Variants in MINK1 observed in about 807,000 individuals in gnomAD.
The protein encoded by MINK1 is misshapen like kinase 1.
MINK1 carries 46 observed loss-of-function variants against 178.4 expected under a neutral mutation model. The observed-to-expected ratio is 0.26, with a 90% CI of 0.20 to 0.33. The LOEUF (loss-of-function observed/expected upper bound fraction) is 0.33, where lower values mean the gene tolerates loss of function less well. MINK1 is among the 10% of genes least tolerant of loss of function. The pLI, the probability that MINK1 is intolerant of heterozygous loss-of-function variation, is 1.00. For synonymous variants in MINK1, 797 were observed against 709.7 expected (o/e 1.12, Z -1.96); for missense variants, 1,366 against 1,814.9 (o/e 0.75, Z 4.49).
intron 1 of MINK1, among the ~76,000 whole-genome samples, chr17:4,874,766 C>T (rs943884294): frequency 6.6e-6 from 1 of 152,230 alleles, no homozygotes; most frequent in Admixed American, 6.5e-5. Context: ...TTCTCTGAAT[C>T]ACCCTTTCCA....
In MINK1 at chr17:4,894,806, C is replaced by T; in HGVS notation, c.2917+173C>T. 3 of 640,794 alleles carry T rather than the reference C, an allele frequency of 4.7e-6. No homozygotes were observed. The highest frequency in any genetic ancestry group is 3.7e-5 in the African/African-American group (2 of 54,786). 39.7% of individuals were successfully genotyped at this position (640,794 alleles called of 1,614,324 possible). A position where few individuals can be genotyped will look rare whatever the true frequency, so the allele number is the denominator to read the frequency against. On this transcript the variant is annotated intron_variant, in intron 24 of 31. Coordinates refer to ENST00000355280, the MANE Select transcript of MINK1 (RefSeq NM_153827.5). This position sits in a 1 kb window ranked among gnomAD's most constrained non-coding sequence, Gnocchi z 4.1. The stretch of plus-strand genomic sequence containing the variant: ...GAAGAGCCTCTGAGACCCCTCCTTC[C>T]TGTCCCACAGGACAGGAAATGCTCA...
chr17:4,838,707 C>A (rs572263046), intron 1 of MINK1, among the ~76,000 whole-genome samples: 2 of 152,090 alleles, frequency 1.3e-5, no homozygotes. Flanking sequence ...CTCCAGAAGC[C>A]GGTGAGAGTC....
At chr17:4,892,889 A>G (rs1969004149) in intron 19 of MINK1, 90 bp from the exon 20 acceptor site, 2 of 1,404,246 alleles carry the variant, frequency 1.4e-6, no homozygotes, top group Non-Finnish European at 2.0e-6. Flanking sequence ...GTGGGTATGG[A>G]ACTTGGGGCT....
intron 1 of MINK1, chr17:4,875,531 G>A: frequency 2.2e-6 from 1 of 452,318 alleles, no homozygotes; most frequent in South Asian, 1.6e-5. Context: ...CCAACACCTT[G>A]GGAGGCTGAG....
chr17:4,864,581 C>T (rs1260670663), intron 1 of MINK1, among the ~76,000 whole-genome samples: 11 of 151,446 alleles, frequency 7.3e-5, no homozygotes, highest in East Asian at 1.9e-4. Context: ...AAAAATTAGC[C>T]GGGCATGGTG....
chr17:4,885,828 G>A lies in MINK1; in HGVS notation c.640-83G>A. ...ATGGGTGTGGCCCAGGAAGGCTCCT[G>A]AGAGGCCAGGATGGTGGGTGAAGAG... is the stretch of plus-strand genomic sequence containing the variant. On this transcript the variant is annotated intron_variant, in intron 7 of 31. Transcript: ENST00000355280. This position sits in a 1 kb window ranked among gnomAD's most constrained non-coding sequence, Gnocchi z 5.0. 6.5e-7 allele frequency: 1 copy of A among 1,531,894 alleles called. No homozygotes were observed. Among genetic ancestry groups the A allele is most frequent in the Non-Finnish European group, 9.0e-7 (1 of 1,116,152 alleles). The allele number at this position is 1,531,894 out of a possible 1,614,324, so 94.9% of individuals were successfully genotyped here.
chr17:4,843,969 A>G (rs139914453), intron 1 of MINK1, among the ~76,000 whole-genome samples: 90 of 152,204 alleles, frequency 5.9e-4, no homozygotes, highest in African/African-American at 2.1e-3. Context: ...TCTAGACTAC[A>G]TGCAACTGGT....
intron 1 of MINK1, chr17:4,875,489 G>A (rs1454203356): frequency 2.2e-6 from 1 of 453,734 alleles, no homozygotes; most frequent in Non-Finnish European, 4.4e-6. Context: ...AAACAAAAAT[G>A]AGGCCGTGCG....
intron 1 of MINK1, chr17:4,857,057 G>T: frequency 5.3e-6 from 1 of 188,210 alleles, no homozygotes; most frequent in South Asian, 1.1e-4. Context: ...CCCCCACGAT[G>T]ACGATGGCAA....
Position 4,890,561 on chromosome 17 carries a change from T to C in MINK1, c.1392T>C (p.Arg464=), listed in dbSNP as rs1206765712. 17 of 1,586,666 alleles carry C rather than the reference T, an allele frequency of 1.1e-5. No individual in the cohort carries two copies. The highest frequency in any genetic ancestry group is 1.5e-5 in the Non-Finnish European group (17 of 1,167,314). ...TGGAGGAGCAGCGGCAGTCAGAACG[T>C]CTCCAGAGGCAGCTGCAGCAGGAGC... The part of the protein sequence containing the change: ...KQLEEQRQSE[R]LQRQLQQEHA... The change falls in exon 14 of 32, where the codon CGT becomes CGC. Residue 464 remains arginine (R), a synonymous_variant. Coordinates refer to ENST00000355280, the MANE Select transcript of MINK1 (RefSeq NM_153827.5).
intron 1 of MINK1, among the ~76,000 whole-genome samples, chr17:4,866,139 T>C (rs1304387551): frequency 6.6e-6 from 1 of 152,164 alleles, no homozygotes; most frequent in Non-Finnish European, 1.5e-5. Context: ...GTTGGCAGCC[T>C]CATGGAGTGT....
intron 15 of MINK1, 76 bp downstream of exon 15, chr17:4,891,200 G>GCGCACACACA (rs781594150): frequency 0.042 from 42,167 of 997,798 alleles, 376 homozygotes; most frequent in African/African-American, 0.077. Flanking sequence ...ACACACGCGC[G>GCGCACACACA]CACACACACA....
rs772519434 is a variant in MINK1, at chr17:4,895,044, CCCTCCTCCCA to C, written c.2918-22_2918-13del. The C allele has an allele frequency of 6.8e-6, 11 of 1,609,912 alleles. 1 individual carries two copies. Among genetic ancestry groups the C allele is most frequent in the South Asian group, 5.5e-5 (5 of 91,010 alleles). ...AAGAGATGGGGTGAGAAGCTGCAGC[CCCTCCTCCCA>C]CCTCCTCCTCCTTCTGGCAGCCCTA... On this transcript the variant is annotated intron_variant, in intron 24 of 31. Transcript: ENST00000355280. This position sits in a 1 kb window ranked among gnomAD's most constrained non-coding sequence, Gnocchi z 4.3.
At chr17:4,841,878 C>T (rs1910278580) in intron 1 of MINK1, among the ~76,000 whole-genome samples, 2 of 152,008 alleles carry the variant, frequency 1.3e-5, no homozygotes, top group Admixed American at 1.3e-4. Context: ...TCAGCCAGGG[C>T]ACCGCTGGCC....
intron 1 of MINK1, among the ~76,000 whole-genome samples, chr17:4,863,889 A>G (rs1263366544): frequency 6.6e-6 from 1 of 152,036 alleles, no homozygotes; most frequent in Non-Finnish European, 1.5e-5. Flanking sequence ...TCCCGGGTTC[A>G]AGAGATTCTC....
chr17:4,844,869 G>A (rs999767272), intron 1 of MINK1, among the ~76,000 whole-genome samples: 3 of 152,082 alleles, frequency 2.0e-5, no homozygotes, highest in African/African-American at 7.2e-5. Context: ...GTATATGTAA[G>A]ACTTACCATT....
chr17:4,857,540 C>G (rs966581929), intron 1 of MINK1, among the ~76,000 whole-genome samples: 5 of 140,426 alleles, frequency 3.6e-5, no homozygotes, highest in Non-Finnish European at 7.6e-5. Flanking sequence ...GATCTCAGCT[C>G]ACTTCAACCT....
At chr17:4,890,352 C>T (rs573054511) in intron 13 of MINK1, 165 bp from the exon 14 acceptor site, 3 of 1,430,736 alleles carry the variant, frequency 2.1e-6, no homozygotes, top group East Asian at 2.5e-5. Context: ...CTTTTCAGAG[C>T]TTCTTTGCTG....
chr17:4,883,096 G>A (rs1333331430), intron 4 of MINK1: 1 of 150,418 alleles, frequency 6.6e-6, no homozygotes, highest in Non-Finnish European at 1.5e-5. Flanking sequence ...ACTCCACTCT[G>A]GGCGACAGAG....
Sources: allele counts gnomAD v4.1 joint callset (sites outside exome capture counted in the v4.1 genomes callset), GRCh38; gene constraint gnomAD v4.1.1; non-coding constraint Gnocchi (gnomAD v3.1); transcripts MANE v1.5; gene names NCBI Gene and HGNC (gene_info 2026-07-23, HGNC 2026-07-21).